The following SCUBE1 variants were observed in gnomAD, a reference collection of about 807,000 sequenced individuals.
SCUBE1 encodes the protein signal peptide, CUB domain and EGF like domain containing 1.
In SCUBE1, 59 loss-of-function variants were observed where a neutral mutation model predicts 124.4. That is an observed-to-expected ratio of 0.47 (90% CI 0.38 to 0.59). The LOEUF (loss-of-function observed/expected upper bound fraction) is 0.59, where lower values mean the gene tolerates loss of function less well. SCUBE1 is among the 20% of genes least tolerant of loss of function. The pLI is 0.00. For synonymous variants in SCUBE1, 545 were observed against 550.9 expected (o/e 0.99, Z 0.15); for missense variants, 1,150 against 1,371.2 (o/e 0.84, Z 2.55).
At position 43,258,134 on chromosome 22, in the gene SCUBE1, G is replaced by A; in HGVS notation, c.727+85C>T. Reference sequence around the variant, plus strand: ...CTTCCTTCCGGGGAACCCGGACGTGGCAGGGTGCTGGCCCTGCTGGTGCAC... The same window carrying A: ...CTTCCTTCCGGGGAACCCGGACGTGACAGGGTGCTGGCCCTGCTGGTGCAC... On this transcript the variant is annotated intron_variant, in intron 6 of 21. Coordinates refer to ENST00000360835, the MANE Select transcript of SCUBE1 (RefSeq NM_173050.5). This position sits in a 1 kb window ranked among gnomAD's most constrained non-coding sequence, Gnocchi z 5.0. 1.1e-6 allele frequency: 1 copy of A among 935,446 alleles called. No homozygotes were observed. Among genetic ancestry groups the A allele is most frequent in the Admixed American group, 1.7e-5 (1 of 58,152 alleles). 57.9% of individuals were successfully genotyped at this position (935,446 alleles called of 1,614,324 possible). A position where few individuals can be genotyped will look rare whatever the true frequency, so the allele number is the denominator to read the frequency against.
intron 6 of SCUBE1, among the ~76,000 whole-genome samples, chr22:43,250,143 G>A (rs1291437617): frequency 6.6e-6 from 1 of 152,232 alleles, no homozygotes; most frequent in African/African-American, 2.4e-5. Context: ...AAATTCGCCT[G>A]AGCAAGCAAA....
At chr22:43,301,847 G>T (rs1026869140) in intron 3 of SCUBE1, among the ~76,000 whole-genome samples, 1 of 152,228 alleles carries the variant, frequency 6.6e-6, no homozygotes, top group Non-Finnish European at 1.5e-5. Flanking sequence ...AAGTGTGGGT[G>T]GGGAACGGCG....
At chr22:43,215,014 T>C (rs1168945639) in intron 15 of SCUBE1, among the ~76,000 whole-genome samples, 1 of 152,168 alleles carries the variant, frequency 6.6e-6, no homozygotes, top group Admixed American at 6.5e-5. Flanking sequence ...TGTGTGCACG[T>C]GTATACACAT....
rs1224227854 is a variant in SCUBE1, at chr22:43,203,360, G to GTATATATATATATTTATATATATATTTA, written c.*609_*636dup. 2.7e-4 allele frequency: 40 copies of GTATATATATATATTTATATATATATTTA among 146,764 alleles called. No individual in the cohort carries two copies. The highest frequency in any genetic ancestry group is 4.8e-4 in the Admixed American group (7 of 14,632). 9.1% of individuals were successfully genotyped at this position (146,764 alleles called of 1,614,324 possible). ...TTTCCTAAAGTACCCACAAATAGAA[G>GTATATATATATATTTATATATATATTTA]TATATATATATATTTATATATATAT... On this transcript the variant is annotated 3_prime_UTR_variant, in exon 22 of 22. Transcript: ENST00000360835.
At chr22:43,206,680 G>C (rs1921300451) in intron 21 of SCUBE1, among the ~76,000 whole-genome samples, 2 of 152,138 alleles carry the variant, frequency 1.3e-5, no homozygotes, top group South Asian at 4.1e-4. Flanking sequence ...TCTGGTGCGT[G>C]TGAGGAGCTG....
At chr22:43,304,266 G>A (rs560496706) in intron 3 of SCUBE1, among the ~76,000 whole-genome samples, 3 of 152,300 alleles carry the variant, frequency 2.0e-5, no homozygotes, top group East Asian at 3.9e-4. Flanking sequence ...CATCTCCAGC[G>A]AACTTCTGTG....
At chr22:43,284,812 C>A (rs1925072524) in intron 4 of SCUBE1, among the ~76,000 whole-genome samples, 1 of 152,088 alleles carries the variant, frequency 6.6e-6, no homozygotes, top group Non-Finnish European at 1.5e-5. Context: ...CACAAAGGGA[C>A]TGATTCCTGA....
chr22:43,223,148 C>T lies in SCUBE1; in HGVS notation c.1276G>A (p.Gly426Ser), dbSNP rs772360095. Residue 426 changes from glycine to serine, a missense_variant, in exon 11 of 22, where the codon GGT becomes AGT. Physicochemically the swap from Gly to Ser is moderately conservative, Grantham distance 56. Coordinates refer to ENST00000360835, the MANE Select transcript of SCUBE1 (RefSeq NM_173050.5). Reference sequence around the variant, plus strand: ...CAGGAAAGGAAGCAGCTCTCCACACCGCCTGCCTTGCTGCAGGACAGCTGG... The same window carrying T: ...CAGGAAAGGAAGCAGCTCTCCACACTGCCTGCCTTGCTGCAGGACAGCTGG... ...RAQLSCSKAGGVESCFLSCPA... is the reference protein window; with the variant it reads ...RAQLSCSKAGSVESCFLSCPA... 2.6e-5 allele frequency: 41 copies of T among 1,558,070 alleles called. No individual in the cohort carries two copies. The highest frequency in any genetic ancestry group is 1.7e-4 in the Middle Eastern group (1 of 5,894).
chr22:43,269,518 C>T (rs962291940), intron 4 of SCUBE1, among the ~76,000 whole-genome samples: 6 of 152,114 alleles, frequency 3.9e-5, no homozygotes, highest in South Asian at 2.1e-4. Flanking sequence ...GTTGCTATGG[C>T]GACTTCATCA....
At chr22:43,282,762 C>G (rs944179539) in intron 4 of SCUBE1, 1 of 151,670 alleles carries the variant, frequency 6.6e-6, no homozygotes, top group Non-Finnish European at 1.5e-5. Flanking sequence ...ATGGCGCGAT[C>G]TCAGCTCACT....
intron 3 of SCUBE1, among the ~76,000 whole-genome samples, chr22:43,305,890 G>A (rs1925950172): frequency 6.6e-6 from 1 of 152,224 alleles, no homozygotes; most frequent in Non-Finnish European, 1.5e-5. Flanking sequence ...CACAAATAAA[G>A]AGTGCCAGCC....
chr22:43,311,727 C>T (rs1367149871), intron 3 of SCUBE1, among the ~76,000 whole-genome samples: 7 of 151,958 alleles, frequency 4.6e-5, no homozygotes, highest in African/African-American at 1.7e-4. Flanking sequence ...GTGCCTGGCC[C>T]TAATATAGCA....
At chr22:43,323,657 A>G (rs1926631944) in intron 2 of SCUBE1, among the ~76,000 whole-genome samples, 1 of 151,876 alleles carries the variant, frequency 6.6e-6, no homozygotes, top group African/African-American at 2.4e-5. Flanking sequence ...TCTCATCTGT[A>G]TATTCATTGA....
chr22:43,245,583 G>A lies in SCUBE1; in HGVS notation c.728-6629C>T, dbSNP rs535401876. On this transcript the variant is annotated intron_variant, in intron 6 of 21. Transcript: ENST00000360835. Reference sequence around the variant, plus strand: ...GGCTCCTCCAGAGCCAGCGCTGCTCGTGTCTAAGGCTGCGGGGCCCCAACG... The same window carrying A: ...GGCTCCTCCAGAGCCAGCGCTGCTCATGTCTAAGGCTGCGGGGCCCCAACG... Among the ~76,000 whole-genome samples the A allele has an allele frequency of 9.7e-4, 148 of 152,326 alleles. 1 individual carries two copies. The highest frequency in any genetic ancestry group is 6.8e-3 in the Middle Eastern group (2 of 294).
intron 3 of SCUBE1, among the ~76,000 whole-genome samples, chr22:43,296,098 C>G (rs1353403071): frequency 1.3e-5 from 2 of 152,232 alleles, no homozygotes; most frequent in Admixed American, 6.5e-5. Context: ...CTAAGAGGAA[C>G]AGCAGAGCCA....
chr22:43,275,125 T>A (rs1380243959), intron 4 of SCUBE1, among the ~76,000 whole-genome samples: 1 of 152,170 alleles, frequency 6.6e-6, no homozygotes, highest in Non-Finnish European at 1.5e-5. Context: ...AAAGGTGTTC[T>A]GGAGCAGGAA....
intron 5 of SCUBE1, among the ~76,000 whole-genome samples, chr22:43,262,273 T>C (rs575514983): frequency 2.6e-5 from 4 of 152,268 alleles, no homozygotes; most frequent in Admixed American, 1.3e-4. Context: ...GGACTATAGG[T>C]GTGCAGAGTT....
intron 4 of SCUBE1, among the ~76,000 whole-genome samples, chr22:43,264,468 G>C (rs756939317): frequency 6.6e-6 from 1 of 152,170 alleles, no homozygotes; most frequent in Admixed American, 6.5e-5. Flanking sequence ...TGGCTGGACC[G>C]GGTGGCCAGA....
chr22:43,270,642 T>C (rs1406017690), intron 4 of SCUBE1: 1 of 152,274 alleles, frequency 6.6e-6, no homozygotes, highest in Non-Finnish European at 1.5e-5. Context: ...CAAGTAGCTT[T>C]ATCCCCATGT....
Sources: gnomAD v4.1 joint callset for allele counts (sites outside exome capture counted in the v4.1 genomes callset) on GRCh38, gnomAD v4.1.1 for gene constraint, Gnocchi (gnomAD v3.1) non-coding constraint, MANE v1.5 for transcripts, NCBI Gene and HGNC (gene_info 2026-07-23, HGNC 2026-07-21) for gene names.